The following GLI2 variants were observed in gnomAD, a reference collection of about 807,000 sequenced individuals.
GLI2 encodes transcription activator GLI2.
Under a neutral mutation model 78.9 loss-of-function variants are expected in GLI2, and 22 were observed. That is an observed-to-expected ratio of 0.28 (90% CI 0.20 to 0.40). The LOEUF is 0.40. Among genes scored for constraint, GLI2 ranks in the 10% least tolerant of loss-of-function variants. GLI2 has a pLI of 1.00. For missense variants in GLI2, 2,097 were observed against 2,213.2 expected (o/e 0.95, Z 1.05); for synonymous variants, 974 against 963.7 (o/e 1.01, Z -0.20).
intron 5 of GLI2, among the ~76,000 whole-genome samples, chr2:120,968,108 C>T (rs1681948819): frequency 6.6e-6 from 1 of 152,228 alleles, no homozygotes; most frequent in South Asian, 2.1e-4. Context: ...GCTTCTGCCA[C>T]ACACAATAGC....
At chr2:120,941,590 G>A (rs184939506) in intron 3 of GLI2, among the ~76,000 whole-genome samples, 1 of 152,352 alleles carries the variant, frequency 6.6e-6, no homozygotes, top group African/African-American at 2.4e-5. Context: ...GAGATGCAGG[G>A]CAAGCTTTGG....
rs772098216 is a variant in GLI2, at chr2:120,989,246, T to C, written c.3281T>C (p.Val1094Ala). Residue 1094 changes from valine (V) to alanine (A), a missense_variant, in exon 14 of 14, where the codon GTG becomes GCG. Coordinates refer to ENST00000361492, the MANE Select transcript of GLI2 (RefSeq NM_001374353.1). Reference protein sequence around the residue: ...SPGLHGQRRMVAADSNVGPSA... With the variant: ...SPGLHGQRRMAAADSNVGPSA... ...GGGCTGCACGGCCAGCGCAGGATGG[T>C]GGCTGCGGACTCCAACGTGGGCCCC... 1.2e-6 allele frequency: 2 copies of C among 1,613,134 alleles called. No homozygotes were observed. The highest frequency in any genetic ancestry group is 8.5e-7 in the Non-Finnish European group (1 of 1,180,018).
chr2:120,925,111 G>A (rs978016395), intron 2 of GLI2, among the ~76,000 whole-genome samples: 5 of 152,194 alleles, frequency 3.3e-5, no homozygotes, highest in African/African-American at 9.7e-5. Flanking sequence ...CCACATGCCC[G>A]GCTCACCTGT....
chr2:120,963,357 G>C (rs752085380), intron 5 of GLI2, among the ~76,000 whole-genome samples: 4 of 152,236 alleles, frequency 2.6e-5, no homozygotes, highest in Non-Finnish European at 5.9e-5. Context: ...GCTCAGGAAA[G>C]CTAAGTAAAT....
At chr2:120,988,186 T>A (rs1294110598) in intron 13 of GLI2, 22 bp from the exon 14 acceptor site, 1 of 1,580,014 alleles carries the variant, frequency 6.3e-7, no homozygotes, top group South Asian at 1.1e-5. Context: ...GTCCCGGTGC[T>A]GACCCCTCTG....
chr2:120,779,235 G>A (rs534102935), intron 1 of GLI2, among the ~76,000 whole-genome samples: 6 of 152,312 alleles, frequency 3.9e-5, no homozygotes, highest in African/African-American at 1.4e-4. Flanking sequence ...GGAGGCTTGA[G>A]CTGTTTTTTC....
rs760074094 is a variant in GLI2, at chr2:120,990,289, G to A, written c.4324G>A (p.Gly1442Ser). Reference protein sequence around the residue: ...GQIHMYEQDGGLENLGSCQVM... With the variant: ...GQIHMYEQDGSLENLGSCQVM... ...GATCCACATGTACGAACAGGATGGA[G>A]GCCTGGAGAACCTCGGGAGCTGCCA... The change falls in exon 14 of 14, where the codon GGC becomes AGC. Residue 1442 changes from glycine (G) to serine (S), a missense_variant. By Grantham distance (56) the Gly-to-Ser change is moderately conservative (BLOSUM62 0). Coordinates refer to ENST00000361492, the MANE Select transcript of GLI2 (RefSeq NM_001374353.1). 7 of 1,613,668 alleles carry A rather than the reference G, an allele frequency of 4.3e-6. No individual in the cohort carries two copies. Among genetic ancestry groups the A allele is most frequent in the Non-Finnish European group, 5.9e-6 (7 of 1,180,042 alleles).
intron 11 of GLI2, 92 bp downstream of exon 11, chr2:120,982,972 G>A: frequency 1.6e-6 from 2 of 1,282,854 alleles, no homozygotes; most frequent in Non-Finnish European, 2.2e-6. Flanking sequence ...AGATAGCCAG[G>A]TGCCCCATGT....
At chr2:120,879,747 C>T (rs1360716299) in intron 2 of GLI2, among the ~76,000 whole-genome samples, 2 of 152,104 alleles carry the variant, frequency 1.3e-5, no homozygotes, top group Non-Finnish European at 1.5e-5. Flanking sequence ...AGTTTGTGGA[C>T]GAAAAGCAGT....
At chr2:120,837,386 T>G (rs1686665288) in intron 2 of GLI2, among the ~76,000 whole-genome samples, 1 of 114,082 alleles carries the variant, frequency 8.8e-6, no homozygotes, top group Non-Finnish European at 1.7e-5. Flanking sequence ...AGAGCGAGAC[T>G]CCATCTCAAA....
chr2:120,811,583 G>C (rs1685243570), intron 2 of GLI2, among the ~76,000 whole-genome samples: 1 of 152,182 alleles, frequency 6.6e-6, no homozygotes, highest in Non-Finnish European at 1.5e-5. Context: ...AGCAGCGCCT[G>C]CTGGAGAGGA....
chr2:120,973,094 C>A (rs1199532053), intron 8 of GLI2, among the ~76,000 whole-genome samples: 1 of 152,230 alleles, frequency 6.6e-6, no homozygotes, highest in African/African-American at 2.4e-5. Context: ...TTTATCAAAA[C>A]TGTGAACCAT....
rs1683130311 is a variant in GLI2 at position 120,988,941 on chromosome 2, G to T, written c.2976G>T (p.Leu992=). Residue 992 remains leucine, a synonymous_variant, in exon 14 of 14, where the codon CTG becomes CTT. Transcript: ENST00000361492. ...PPCADRRGLR[L]QSHPSTDGGL... is the part of the protein sequence containing the mutation. ...GTGCCGACAGGCGAGGCCTCCGCCT[G>T]CAGAGCCACCCGAGCACCGACGGCG... 2 of 1,532,672 alleles carry T rather than the reference G, an allele frequency of 1.3e-6. No individual in the cohort carries two copies. Among genetic ancestry groups the T allele is most frequent in the Non-Finnish European group, 8.7e-7 (1 of 1,144,214 alleles). 94.9% of individuals were successfully genotyped at this position (1,532,672 alleles called of 1,614,324 possible). A position where few individuals can be genotyped will look rare whatever the true frequency, so the allele number is the denominator to read the frequency against.
chr2:120,771,943 C>A (rs191633977), intron 1 of GLI2, among the ~76,000 whole-genome samples: 4 of 152,314 alleles, frequency 2.6e-5, no homozygotes, highest in African/African-American at 9.6e-5. Flanking sequence ...ATAACTCTCT[C>A]CTGACTGGCC....
At chr2:120,852,641 G>T (rs1026941692) in intron 2 of GLI2, among the ~76,000 whole-genome samples, 6 of 152,164 alleles carry the variant, frequency 3.9e-5, no homozygotes, top group Non-Finnish European at 5.9e-5. Context: ...TCTGCCCACA[G>T]ATACCTCTCC....
At chr2:120,950,268 C>T (rs1558907571) in intron 3 of GLI2, among the ~76,000 whole-genome samples, 1 of 152,252 alleles carries the variant, frequency 6.6e-6, no homozygotes, top group Non-Finnish European at 1.5e-5. Flanking sequence ...TGCACAATGT[C>T]AAATTATAGA....
chr2:120,756,794 T>C (rs1248084063), intron 1 of GLI2, among the ~76,000 whole-genome samples: 1 of 152,220 alleles, frequency 6.6e-6, no homozygotes, highest in African/African-American at 2.4e-5. Context: ...GTTTGTAGTT[T>C]TTATCAAATT....
intron 2 of GLI2, among the ~76,000 whole-genome samples, chr2:120,842,558 G>A (rs975158836): frequency 1.3e-5 from 2 of 152,222 alleles, no homozygotes; most frequent in Middle Eastern, 3.4e-3. Flanking sequence ...GCCAAGGTGC[G>A]TCCCACATTT....
rs542289871 is a variant in GLI2 at position 120,775,074 on chromosome 2, G to A, written c.-30-22217G>A. On this transcript the variant is annotated intron_variant, in intron 1 of 13. Coordinates refer to ENST00000361492, the MANE Select transcript of GLI2 (RefSeq NM_001374353.1). ...ATGCTGCCCCTTGCCAGGACTGGTC[G>A]ACATAGGGACGTGGGTATGCCGGGA... Among the ~76,000 whole-genome samples, 11 of 152,276 alleles carry A rather than the reference G, an allele frequency of 7.2e-5. No homozygotes were observed. The East Asian group carries it at 1.7e-3, about 24-fold the overall frequency.
Sources: allele counts gnomAD v4.1 joint callset (sites outside exome capture counted in the v4.1 genomes callset), GRCh38; gene constraint gnomAD v4.1.1; transcripts MANE v1.5; gene names NCBI Gene and HGNC (gene_info 2026-07-23, HGNC 2026-07-21).